Variants in CCDC178 observed in about 807,000 individuals in gnomAD.
CCDC178 encodes the protein coiled-coil domain-containing protein 178.
A neutral mutation model predicts 117.4 loss-of-function variants in CCDC178; 126 were observed. That is an observed-to-expected ratio of 1.07 (90% CI 0.93 to 1.24). The LOEUF (loss-of-function observed/expected upper bound fraction) is 1.24, where lower values mean the gene tolerates loss of function less well. CCDC178 is among the 50% of genes most tolerant of loss of function. CCDC178 has a pLI of 0.00. For missense variants in CCDC178, 1,030 were observed against 986.9 expected (o/e 1.04, Z -0.59); for synonymous variants, 283 against 313.4 (o/e 0.90, Z 1.02).
chr18:33,431,191 CTTTTTTT>C (rs35139388), intron 2 of CCDC178, among the ~76,000 whole-genome samples: 1 of 117,252 alleles, frequency 8.5e-6, no homozygotes, highest in Non-Finnish European at 1.7e-5. Flanking sequence ...AATGATTTAA[CTTTTTTT>C]TTTTTTTTTT....
intron 21 of CCDC178, among the ~76,000 whole-genome samples, chr18:33,009,780 G>A (rs1001893044): frequency 6.6e-6 from 1 of 152,110 alleles, no homozygotes; most frequent in African/African-American, 2.4e-5. Flanking sequence ...AAGCAGATCT[G>A]CAACATCTTT....
intron 2 of CCDC178, chr18:33,437,588 G>C (rs1448606905): frequency 6.6e-6 from 1 of 152,178 alleles, no homozygotes; most frequent in Non-Finnish European, 1.5e-5. Context: ...AGGGAGGCCA[G>C]AAGGTAATGT....
intron 3 of CCDC178, among the ~76,000 whole-genome samples, chr18:33,409,320 A>G (rs1032906436): frequency 1.3e-5 from 2 of 152,078 alleles, no homozygotes; most frequent in East Asian, 1.9e-4. Context: ...CCTGGTCTCA[A>G]GTGATCCACC....
In CCDC178 at chr18:33,354,770, G is replaced by A. The variant is rs62090566; in HGVS notation, c.371+1554C>T. On this transcript the variant is annotated intron_variant, in intron 7 of 22. Transcript: ENST00000383096. ...GGACTACAAGTGCAGGCCACCATGC[G>A]CAGCTAATTTTTGTATTTGTTTTTA... Among the ~76,000 whole-genome samples the A allele has an allele frequency of 3.4e-3, 517 of 151,808 alleles. 2 individuals are homozygous for A. Among genetic ancestry groups the A allele is most frequent in the Non-Finnish European group, 5.8e-3 (394 of 67,878 alleles).
chr18:33,362,758 G>A (rs1427837335), intron 6 of CCDC178, among the ~76,000 whole-genome samples: 1 of 151,886 alleles, frequency 6.6e-6, no homozygotes, highest in East Asian at 1.9e-4. Flanking sequence ...GCAAGACTTG[G>A]GTTAAGAAGA....
intron 6 of CCDC178, among the ~76,000 whole-genome samples, chr18:33,363,333 T>G (rs2063155896): frequency 6.6e-6 from 1 of 151,974 alleles, no homozygotes; most frequent in South Asian, 2.1e-4. Context: ...GCAAAGAAGC[T>G]TCTGAGCTCT....
chr18:33,189,355 A>C (rs2058830917), intron 20 of CCDC178, among the ~76,000 whole-genome samples: 1 of 152,178 alleles, frequency 6.6e-6, no homozygotes, highest in Admixed American at 6.6e-5. Flanking sequence ...AGTTGCAGAA[A>C]CAAGAACAAT....
intron 11 of CCDC178, among the ~76,000 whole-genome samples, chr18:33,299,374 G>T (rs1172368850): frequency 6.6e-6 from 1 of 151,846 alleles, no homozygotes; most frequent in Non-Finnish European, 1.5e-5. Flanking sequence ...TTCAATAAAT[G>T]GTTCTGAAAA....
chr18:33,184,756 G>A (rs2058770983), intron 20 of CCDC178, among the ~76,000 whole-genome samples: 1 of 151,946 alleles, frequency 6.6e-6, no homozygotes, highest in Admixed American at 6.6e-5. Flanking sequence ...CTGTAATAGT[G>A]AAGTATTATA....
At chr18:33,261,379 G>A (rs1232011070) in intron 14 of CCDC178, among the ~76,000 whole-genome samples, 1 of 152,158 alleles carries the variant, frequency 6.6e-6, no homozygotes, top group Non-Finnish European at 1.5e-5. Context: ...CACCACGCCC[G>A]GCCTGCATGA....
At chr18:33,009,112 T>C (rs371508218) in intron 21 of CCDC178, among the ~76,000 whole-genome samples, 1 of 152,096 alleles carries the variant, frequency 6.6e-6, no homozygotes, top group African/African-American at 2.4e-5. Flanking sequence ...ATTGGTGCTA[T>C]CTTTAAAATA....
chr18:33,376,749 A>C (rs1234111722), intron 5 of CCDC178, among the ~76,000 whole-genome samples: 1 of 152,186 alleles, frequency 6.6e-6, no homozygotes. Context: ...AATGGCTTCC[A>C]GTTGCATCCA....
chr18:33,406,808 G>T (rs1251105691), intron 3 of CCDC178, among the ~76,000 whole-genome samples: 1 of 152,074 alleles, frequency 6.6e-6, no homozygotes, highest in African/African-American at 2.4e-5. Context: ...CAGGTAACCA[G>T]GTCAAATCTC....
intron 19 of CCDC178, among the ~76,000 whole-genome samples, chr18:33,214,608 A>C (rs866585046): frequency 1.3e-5 from 2 of 152,082 alleles, no homozygotes; most frequent in Admixed American, 1.3e-4. Context: ...CAGGTATTAA[A>C]CAAGGTGGAT....
At chr18:33,037,267 T>C (rs2056462311) in intron 21 of CCDC178, among the ~76,000 whole-genome samples, 2 of 151,990 alleles carry the variant, frequency 1.3e-5, no homozygotes, top group African/African-American at 2.4e-5. Context: ...GTCCCAGATC[T>C]AACACTAGTT....
At chr18:32,965,204 A>C (rs1159845873) in intron 22 of CCDC178, among the ~76,000 whole-genome samples, 1 of 152,012 alleles carries the variant, frequency 6.6e-6, no homozygotes, top group Non-Finnish European at 1.5e-5. Context: ...CACAAATCCT[A>C]CTTCGTTTCC....
intron 18 of CCDC178, among the ~76,000 whole-genome samples, chr18:33,216,728 C>G (rs2059170132): frequency 6.6e-6 from 1 of 152,032 alleles, no homozygotes; most frequent in African/African-American, 2.4e-5. Context: ...CACATCCTTC[C>G]TGCTTTGTTT....
At chr18:33,279,795 C>T (rs986911397) in intron 12 of CCDC178, among the ~76,000 whole-genome samples, 1 of 152,098 alleles carries the variant, frequency 6.6e-6, no homozygotes, top group African/African-American at 2.4e-5. Context: ...AGAAATAACG[C>T]CGCTTATCTA....
intron 12 of CCDC178, among the ~76,000 whole-genome samples, chr18:33,287,230 A>G (rs1284440261): frequency 6.6e-6 from 1 of 152,224 alleles, no homozygotes; most frequent in East Asian, 1.9e-4. Context: ...TTTCTCTTGA[A>G]CTGGGAAGTT....
Sources: allele counts gnomAD v4.1 joint callset (sites outside exome capture counted in the v4.1 genomes callset), GRCh38; gene constraint gnomAD v4.1.1; transcripts MANE v1.5; gene names NCBI Gene and HGNC (gene_info 2026-07-23, HGNC 2026-07-21).